Variants in PTPRO observed in about 807,000 individuals in gnomAD.
The protein encoded by PTPRO is receptor-type tyrosine-protein phosphatase O.
PTPRO carries 62 observed loss-of-function variants against 145.2 expected under a neutral mutation model. The observed-to-expected ratio is 0.43, with a 90% CI of 0.35 to 0.53. PTPRO has a LOEUF of 0.53. Among genes scored for constraint, PTPRO ranks in the 20% least tolerant of loss-of-function variants. The probability of loss-of-function intolerance (pLI) is 0.01; values close to 1 mark genes in which losing one functional copy is unlikely to be tolerated. For synonymous variants in PTPRO, 565 were observed against 514.7 expected (o/e 1.10, Z -1.32); for missense variants, 1,345 against 1,482.7 (o/e 0.91, Z 1.53).
At chr12:15,487,620 TA>T (rs58860131) in intron 2 of PTPRO, among the ~76,000 whole-genome samples, 3,138 of 152,024 alleles carry the variant, frequency 0.021, 115 homozygotes, top group East Asian at 0.14. Context: ...TCTAGTCCCC[TA>T]TCCTGCCTCT....
At chr12:15,345,582 G>GA (rs541201606) in intron 1 of PTPRO, among the ~76,000 whole-genome samples, 183 of 152,052 alleles carry the variant, frequency 1.2e-3, no homozygotes, top group Middle Eastern at 0.01. Flanking sequence ...CACAAGGAGG[G>GA]AAACATCACA....
intron 21 of PTPRO, 57 bp downstream of exon 21, chr12:15,580,172 C>A: frequency 7.4e-7 from 1 of 1,348,484 alleles, no homozygotes; most frequent in Non-Finnish European, 1.1e-6. Context: ...GAAAGACTAG[C>A]AGGGCTATAT....
intron 1 of PTPRO, among the ~76,000 whole-genome samples, chr12:15,427,157 T>C (rs1293096612): frequency 6.6e-6 from 1 of 152,044 alleles, no homozygotes; most frequent in Non-Finnish European, 1.5e-5. Context: ...CAAAAAGAAT[T>C]AGGCCATTCC....
intron 1 of PTPRO, among the ~76,000 whole-genome samples, chr12:15,331,334 G>C (rs1280194882): frequency 2.6e-5 from 4 of 152,108 alleles, no homozygotes; most frequent in African/African-American, 4.8e-5. Context: ...AGGTATAAAT[G>C]CTTCCGGGAA....
chr12:15,377,438 G>T (rs1373566219), intron 1 of PTPRO, among the ~76,000 whole-genome samples: 1 of 151,730 alleles, frequency 6.6e-6, no homozygotes, highest in African/African-American at 2.4e-5. Context: ...TAGATTCAAA[G>T]AAATAAATAG....
rs575326208 is a variant in PTPRO, at chr12:15,487,628, C to T, written c.349+3381C>T. Among the ~76,000 whole-genome samples the T allele has an allele frequency of 8.3e-4, 126 of 152,198 alleles. No individual in the cohort carries two copies. In the Middle Eastern group the frequency reaches 0.02, roughly 25 times the overall value. ...GGCTCTCTCTAGTCCCCTATCCTGCCTCTGGTAGTCCTCATGAGCATGGGG... is the reference window on the plus strand; with the variant it reads ...GGCTCTCTCTAGTCCCCTATCCTGCTTCTGGTAGTCCTCATGAGCATGGGG... On this transcript the variant is annotated intron_variant, in intron 2 of 26. Coordinates refer to ENST00000281171, the MANE Select transcript of PTPRO (RefSeq NM_030667.3).
At position 15,520,307 on chromosome 12, in the gene PTPRO, T is replaced by G. The variant is rs1359296923; in HGVS notation, c.1886T>G (p.Ile629Arg). 6.2e-7 allele frequency: 1 copy of G among 1,608,228 alleles called. No individual in the cohort carries two copies. Among genetic ancestry groups the G allele is most frequent in the Non-Finnish European group, 8.5e-7 (1 of 1,174,948 alleles). Residue 629 changes from isoleucine to arginine, a missense_variant, in exon 10 of 27, where the codon ATA becomes AGA. Physicochemically the swap from Ile to Arg is moderately conservative, Grantham distance 97 (BLOSUM62 -3). Around this residue, in one of 3 missense-constraint regions of PTPRO, gnomAD observed 1,130 missense variants for 1,214.7 expected, o/e 0.93. Coordinates refer to ENST00000281171, the MANE Select transcript of PTPRO (RefSeq NM_030667.3). Reference protein sequence around the residue: ...SCCDSSTISFITAPVAPEITS... With the variant: ...SCCDSSTISFRTAPVAPEITS... ...TGTGACAGCTCTACCATCAGCTTCA[T>G]AACAGGTGAGGCATGTGTGGGGAAC... is the stretch of plus-strand genomic sequence containing the variant.
At chr12:15,388,946 G>C (rs1159953263) in intron 1 of PTPRO, among the ~76,000 whole-genome samples, 1 of 151,204 alleles carries the variant, frequency 6.6e-6, no homozygotes, top group Non-Finnish European at 1.5e-5. Flanking sequence ...TACTCTTATT[G>C]ACCTCTTTCC....
intron 12 of PTPRO, 135 bp downstream of exon 12, chr12:15,526,397 G>A (rs1942839048): frequency 8.4e-7 from 1 of 1,196,530 alleles, no homozygotes; most frequent in South Asian, 1.2e-5. Flanking sequence ...ATAGACATTT[G>A]TACTAGCAAA....
At chr12:15,508,454 T>C in intron 6 of PTPRO, 117 bp from the exon 7 acceptor site, 1 of 1,114,548 alleles carries the variant, frequency 9.0e-7, no homozygotes, top group East Asian at 2.6e-5. Flanking sequence ...CGACCGCCAA[T>C]CTTTCTTTGA....
At chr12:15,376,776 G>A (rs566915026) in intron 1 of PTPRO, among the ~76,000 whole-genome samples, 6 of 152,120 alleles carry the variant, frequency 3.9e-5, no homozygotes, top group African/African-American at 1.4e-4. Context: ...TTAAATAAAG[G>A]CATTAATACC....
chr12:15,562,545 CTT>C (rs1356273068), intron 17 of PTPRO, among the ~76,000 whole-genome samples: 2 of 152,110 alleles, frequency 1.3e-5, no homozygotes, highest in African/African-American at 4.8e-5. Context: ...TCAAAAAACT[CTT>C]TCTCTCTCTC....
Position 15,596,289 on chromosome 12 carries a change from T to G in PTPRO, c.*216T>G, listed in dbSNP as rs1278828761. 1 of 152,594 alleles carries G rather than the reference T, an allele frequency of 6.6e-6. No individual in the cohort carries two copies. The highest frequency in any genetic ancestry group is 1.5e-5 in the Non-Finnish European group (1 of 68,042). The allele number at this position is 152,594 out of a possible 1,614,324, so 9.5% of individuals were successfully genotyped here. On this transcript the variant is annotated 3_prime_UTR_variant, in exon 27 of 27. Coordinates refer to ENST00000281171, the MANE Select transcript of PTPRO (RefSeq NM_030667.3). ...TCTTTCACTTCGGGACATTTAATAA[T>G]GGACCAAATTCAACAGAACACCAGG...
chr12:15,397,606 C>T (rs931501573), intron 1 of PTPRO, among the ~76,000 whole-genome samples: 1 of 152,138 alleles, frequency 6.6e-6, no homozygotes, highest in Non-Finnish European at 1.5e-5. Flanking sequence ...AGTGCTGGCC[C>T]GTGGAAGTCT....
At chr12:15,467,664 T>A (rs1941447946) in intron 1 of PTPRO, among the ~76,000 whole-genome samples, 1 of 152,212 alleles carries the variant, frequency 6.6e-6, no homozygotes, top group African/African-American at 2.4e-5. Context: ...TAAGATTGGC[T>A]TAAAGTCTTA....
chr12:15,547,195 A>G (rs1454652686), intron 13 of PTPRO, among the ~76,000 whole-genome samples: 2 of 152,242 alleles, frequency 1.3e-5, no homozygotes, highest in Non-Finnish European at 2.9e-5. Flanking sequence ...TTTAAAAGAA[A>G]CGTGCATATC....
intron 1 of PTPRO, among the ~76,000 whole-genome samples, chr12:15,359,964 G>A (rs1314557565): frequency 2.6e-5 from 4 of 152,074 alleles, no homozygotes; most frequent in African/African-American, 4.8e-5. Flanking sequence ...CTCACCCAGA[G>A]CCTTTGCTTT....
chr12:15,580,954 C>T, intron 22 of PTPRO, 123 bp downstream of exon 22: 1 of 1,344,252 alleles, frequency 7.4e-7, no homozygotes, highest in Non-Finnish European at 1.1e-6. Flanking sequence ...AAATTTAAAA[C>T]ATTGTATTCG....
chr12:15,409,893 G>A (rs1175991705), intron 1 of PTPRO, among the ~76,000 whole-genome samples: 1 of 152,114 alleles, frequency 6.6e-6, no homozygotes, highest in Admixed American at 6.6e-5. Context: ...CCAGCATTGG[G>A]GATTACATTT....
Sources: gnomAD v4.1 joint callset for allele counts (sites outside exome capture counted in the v4.1 genomes callset) on GRCh38, gnomAD v4.1.1 for gene constraint, gnomAD v4.1.1 regional missense constraint, MANE v1.5 for transcripts, NCBI Gene and HGNC (gene_info 2026-07-23, HGNC 2026-07-21) for gene names.